SORCS2: variants seen among roughly 807,000 people sequenced by gnomAD.
The protein encoded by SORCS2 is VPS10 domain-containing receptor SorCS2.
In SORCS2, 100 loss-of-function variants were observed where a neutral mutation model predicts 141.6. That is an observed-to-expected ratio of 0.71 (90% CI 0.60 to 0.83). SORCS2 has a LOEUF of 0.83. Among genes scored for constraint, SORCS2 ranks in the 40% least tolerant of loss-of-function variants. The probability of loss-of-function intolerance (pLI) is 0.00; values close to 1 mark genes in which losing one functional copy is unlikely to be tolerated. For synonymous variants in SORCS2, 789 were observed against 676.9 expected (o/e 1.17, Z -2.57); for missense variants, 1,646 against 1,560.2 (o/e 1.05, Z -0.93).
chr4:7,335,556 C>G (rs548266409), intron 1 of SORCS2, among the ~76,000 whole-genome samples: 2 of 152,224 alleles, frequency 1.3e-5, no homozygotes, highest in Non-Finnish European at 1.5e-5. Context: ...TCGGGGCACC[C>G]GAGGACGGCC....
Position 7,435,135 on chromosome 4 carries a change from G to A in SORCS2, c.548+38780G>A, listed in dbSNP as rs552752305. Among the ~76,000 whole-genome samples, 7 of 152,254 alleles carry A rather than the reference G, an allele frequency of 4.6e-5. No individual in the cohort carries two copies. The East Asian group carries it at 7.7e-4, about 17-fold the overall frequency. ...GCAGTTTTCTGAGCCTAGCTGATAC[G>A]TGAATGAAGCTCGGCTCCTAGGAAG... is the stretch of plus-strand genomic sequence containing the variant. On this transcript the variant is annotated intron_variant, in intron 2 of 26. Coordinates refer to ENST00000507866, the MANE Select transcript of SORCS2 (RefSeq NM_020777.3).
chr4:7,382,725 AG>A (rs1723063483), intron 1 of SORCS2, among the ~76,000 whole-genome samples: 1 of 147,790 alleles, frequency 6.8e-6, no homozygotes, highest in Non-Finnish European at 1.5e-5. Context: ...CGGGGGCTGG[AG>A]GGGATGGTCT....
chr4:7,721,350 C>T (rs1282554328), intron 18 of SORCS2, among the ~76,000 whole-genome samples: 1 of 152,174 alleles, frequency 6.6e-6, no homozygotes, highest in Non-Finnish European at 1.5e-5. Flanking sequence ...CCTGTAATCC[C>T]AGCTACTTGG....
intron 3 of SORCS2, among the ~76,000 whole-genome samples, chr4:7,621,573 ATATGTGTGTGTT>A (rs1321470138): frequency 1.3e-5 from 2 of 150,134 alleles, no homozygotes; most frequent in Non-Finnish European, 3.0e-5. Context: ...CTGTGTGTGT[ATATGTGTGTGTT>A]TATGTGTGTG....
chr4:7,428,960 T>C (rs1246269664), intron 2 of SORCS2, among the ~76,000 whole-genome samples: 1 of 152,134 alleles, frequency 6.6e-6, no homozygotes, highest in African/African-American at 2.4e-5. Context: ...TCACAGGGTA[T>C]GTCCACTAGC....
At chr4:7,413,668 G>T (rs554068828) in intron 2 of SORCS2, among the ~76,000 whole-genome samples, 5 of 152,208 alleles carry the variant, frequency 3.3e-5, no homozygotes, top group Non-Finnish European at 7.4e-5. Flanking sequence ...GATTACAGGC[G>T]TGAGCCACTG....
chr4:7,194,279 G>C (rs1727037769), intron 1 of SORCS2, among the ~76,000 whole-genome samples: 1 of 152,110 alleles, frequency 6.6e-6, no homozygotes, highest in African/African-American at 2.4e-5. Context: ...GCAGTGGCAT[G>C]GGTGGGGAGC....
At chr4:7,433,170 A>G (rs1727002450) in intron 2 of SORCS2, 1 of 813,348 alleles carries the variant, frequency 1.2e-6, no homozygotes, top group Non-Finnish European at 1.7e-6. Flanking sequence ...TTTCGGGATC[A>G]GGAATACTTG....
intron 2 of SORCS2, among the ~76,000 whole-genome samples, chr4:7,441,229 G>A (rs895385976): frequency 1.3e-5 from 2 of 152,196 alleles, no homozygotes; most frequent in South Asian, 2.1e-4. Flanking sequence ...CTGGGAAGGT[G>A]GAGGTGGCAT....
intron 11 of SORCS2, among the ~76,000 whole-genome samples, chr4:7,696,316 A>T (rs1349471781): frequency 6.6e-6 from 1 of 152,172 alleles, no homozygotes; most frequent in Non-Finnish European, 1.5e-5. Flanking sequence ...TGCCACAGCC[A>T]TTGGGTACAG....
At chr4:7,658,013 C>G (rs954655485) in intron 5 of SORCS2, among the ~76,000 whole-genome samples, 2 of 149,188 alleles carry the variant, frequency 1.3e-5, no homozygotes, top group African/African-American at 5.0e-5. Context: ...GGCTGAGTGG[C>G]TGAGTGAGCG....
intron 1 of SORCS2, among the ~76,000 whole-genome samples, chr4:7,340,304 T>C (rs73208500): frequency 5.3e-5 from 8 of 152,100 alleles, no homozygotes; most frequent in Middle Eastern, 3.4e-3. Context: ...TTGCACACAG[T>C]GGGGCAGGGA....
At chr4:7,294,388 G>C (rs1424352624) in intron 1 of SORCS2, among the ~76,000 whole-genome samples, 1 of 152,060 alleles carries the variant, frequency 6.6e-6, no homozygotes, top group Non-Finnish European at 1.5e-5. Context: ...TATGAGGCCA[G>C]AGGTAGGGCA....
At chr4:7,277,324 T>C (rs1301281264) in intron 1 of SORCS2, among the ~76,000 whole-genome samples, 2 of 152,190 alleles carry the variant, frequency 1.3e-5, no homozygotes, top group Admixed American at 1.3e-4. Context: ...TGGTCATCCC[T>C]ATCCCCAGCT....
intron 1 of SORCS2, among the ~76,000 whole-genome samples, chr4:7,244,141 C>T: frequency 6.6e-6 from 1 of 152,190 alleles, no homozygotes; most frequent in East Asian, 1.9e-4. Context: ...GGGGCGGCTC[C>T]CCTGGGAACA....
At chr4:7,639,807 GTT>G (rs745825313) in intron 4 of SORCS2, among the ~76,000 whole-genome samples, 1 of 151,704 alleles carries the variant, frequency 6.6e-6, no homozygotes, top group Non-Finnish European at 1.5e-5. Context: ...GTGAGGTTGT[GTT>G]TGAGTGTGAG....
At position 7,676,812 on chromosome 4, in the gene SORCS2, T is replaced by C. The variant is rs796694816; in HGVS notation, c.1341+583T>C. The stretch of plus-strand genomic sequence containing the variant: ...TGAAGTCTGCCTTTCTGTCTCTCTC[T>C]CTCTCTCTCTCTCTCTCCCTCTCTC... On this transcript the variant is annotated intron_variant, in intron 9 of 26. Transcript: ENST00000507866. 5.8e-3 allele frequency among the ~76,000 whole-genome samples: 229 copies of C among 39,766 alleles called. 2 individuals carry two copies. Among genetic ancestry groups the C allele is most frequent in the Non-Finnish European group, 7.2e-3 (136 of 18,844 alleles). The allele number at this position is 39,766 out of a possible 152,430, so 26.1% of individuals were successfully genotyped here.
chr4:7,524,729 C>T (rs556317537), intron 2 of SORCS2, among the ~76,000 whole-genome samples: 32 of 152,220 alleles, frequency 2.1e-4, no homozygotes, highest in Admixed American at 5.2e-4. Flanking sequence ...CTCTTCCCAC[C>T]GGCCTGGCCT....
At chr4:7,320,102 A>T (rs1392582282) in intron 1 of SORCS2, among the ~76,000 whole-genome samples, 1 of 152,122 alleles carries the variant, frequency 6.6e-6, no homozygotes, top group South Asian at 2.1e-4. Flanking sequence ...AAGGAGTTCA[A>T]CACCAGCCTG....
Sources: allele counts gnomAD v4.1 joint callset (sites outside exome capture counted in the v4.1 genomes callset), GRCh38; gene constraint gnomAD v4.1.1; transcripts MANE v1.5; gene names NCBI Gene and HGNC (gene_info 2026-07-23, HGNC 2026-07-21).